Variants in STAB1 observed in about 807,000 individuals in gnomAD.
STAB1 encodes stabilin 1.
Under a neutral mutation model 332.4 loss-of-function variants are expected in STAB1, and 250 were observed. The ratio of observed to expected loss-of-function variants is 0.75; its 90% CI spans 0.68 to 0.84. The LOEUF (loss-of-function observed/expected upper bound fraction) is 0.84. STAB1 is among the 40% of genes least tolerant of loss of function. STAB1 has a pLI of 0.00. For missense variants in STAB1, 3,249 were observed against 3,489.7 expected, an observed-to-expected ratio of 0.93 and a Z score of 1.74; for synonymous variants, 1,475 against 1,390.4, an observed-to-expected ratio of 1.06 and a Z score of -1.35.
chr3:52,503,235 C>T, intron 7 of STAB1, 109 bp from the exon 8 acceptor site: 1 of 1,501,258 alleles, frequency 6.7e-7, no homozygotes, highest in East Asian at 2.5e-5. Context: ...GGGAGCCTAT[C>T]CTCAAGGCCT....
Position 52,524,019 on chromosome 3 carries a change from T to G in STAB1, c.7542+2T>G, listed in dbSNP as rs1575378268. 2 of 1,612,216 alleles carry G rather than the reference T, an allele frequency of 1.2e-6. No individual in the cohort carries two copies. Among genetic ancestry groups the G allele is most frequent in the Non-Finnish European group, 1.7e-6 (2 of 1,179,646 alleles). On this transcript the variant is annotated splice_donor_variant, in intron 67 of 68. Transcript: ENST00000321725. LOFTEE classifies it high-confidence loss of function. ...GGCTTTGGCTTCTCTGCCTTCCAGG[T>G]AGGGCTGGGTTGGGGCTGCCATGGC...
At position 52,518,546 on chromosome 3, in the gene STAB1, A is replaced by G. The variant is rs929716645; in HGVS notation, c.4820A>G (p.Glu1607Gly). Residue 1607 changes from glutamate to glycine, a missense_variant, in exon 47 of 69, where the codon GAG (glutamate) becomes GGG (glycine). Glu to Gly is a moderately conservative substitution (Grantham distance 98). Coordinates refer to ENST00000321725, the MANE Select transcript of STAB1 (RefSeq NM_015136.3). ...FFSLRLLEYK[E>G]LKGDGPFTIF... ...TGCTGCCTCCCGCAGGAATATAAGG[A>G]GCTCAAGGGCGATGGGCCTTTCACC... The G allele has an allele frequency of 1.3e-5, 21 of 1,590,294 alleles. No individual in the cohort carries two copies. Among genetic ancestry groups the G allele is most frequent in the Non-Finnish European group, 1.6e-5 (19 of 1,168,096 alleles).
rs371009220 is a variant in STAB1, at chr3:52,503,978, GT to G, written c.1023-49del. On this transcript the variant is annotated intron_variant, in intron 9 of 68. Transcript: ENST00000321725. Reference sequence around the variant, plus strand: ...TCTGCGGGAAGGCGTGGGGGGTGCGGTGGGGGGGGCCTCAGCCTCCGCCCTG... The same window carrying G: ...TCTGCGGGAAGGCGTGGGGGGTGCGGGGGGGGGGCCTCAGCCTCCGCCCTG... 6.1e-3 allele frequency: 9,762 copies of G among 1,608,924 alleles called. 30 individuals carry two copies. The highest frequency in any genetic ancestry group is 0.024 in the South Asian group (2,166 of 90,856).
At chr3:52,521,225 GA>G in intron 55 of STAB1, 135 bp from the exon 56 acceptor site, 1 of 1,320,388 alleles carries the variant, frequency 7.6e-7, no homozygotes, top group African/African-American at 1.4e-5. Context: ...TGTTCTCCAG[GA>G]CATGGGCCTG....
In STAB1 at chr3:52,512,970, A is replaced by G. The variant is rs1241587802; in HGVS notation, c.3158+12A>G. 6.2e-7 allele frequency: 1 copy of G among 1,604,038 alleles called. No homozygotes were observed. ...CCGAACCTGGTCAGGTGGGGCCGCC[A>G]TTGCCAGGCTGTGGGAGGGGCTTCC... is the stretch of plus-strand genomic sequence containing the variant. On this transcript the variant is annotated intron_variant, in intron 29 of 68. Coordinates refer to ENST00000321725, the MANE Select transcript of STAB1 (RefSeq NM_015136.3).
intron 10 of STAB1, 75 bp from the exon 11 acceptor site, chr3:52,504,386 T>C: frequency 1.3e-6 from 2 of 1,530,350 alleles, no homozygotes; most frequent in East Asian, 2.3e-5. Context: ...ACACCAGGTC[T>C]GATGCCCGAA....
rs1404352807 is a variant in STAB1 at position 52,517,596 on chromosome 3, C to T, written c.4610C>T (p.Thr1537Ile). 2 of 1,612,840 alleles carry T rather than the reference C, an allele frequency of 1.2e-6. No homozygotes were observed. The highest frequency in any genetic ancestry group is 1.7e-6 in the Non-Finnish European group (2 of 1,179,902). The change falls in exon 44 of 69, where the codon ACC (threonine) becomes ATC (isoleucine). Residue 1537 changes from threonine to isoleucine, a missense_variant. Coordinates refer to ENST00000321725, the MANE Select transcript of STAB1 (RefSeq NM_015136.3). ...GGTTACAGCGGGGATGGCATCCGGA[C>T]CTGCGAGCTCCTGGACCCCTGCTCT... ...REGYSGDGIR[T>I]CELLDPCSKN...
rs1485199147 is a variant in STAB1 at position 52,520,675 on chromosome 3, T to C, written c.5683T>C (p.Cys1895Arg). Residue 1895 changes from cysteine (C) to arginine (R), a missense_variant, in exon 54 of 69, where the codon TGT (cysteine) becomes CGT (arginine). Cys to Arg is a radical substitution (Grantham distance 180). Transcript: ENST00000321725. ...CAGCATCTGTGGGCTGGAGCCACCC[T>C]GTCCTGAGGGGTCACAGGAGCAGGT... Reference protein sequence around the residue: ...TCSICGLEPPCPEGSQEQGSP... With the variant: ...TCSICGLEPPRPEGSQEQGSP... The C allele has an allele frequency of 5.6e-6, 9 of 1,599,608 alleles. No homozygotes were observed. Among genetic ancestry groups the C allele is most frequent in the Non-Finnish European group, 5.1e-6 (6 of 1,174,390 alleles).
At position 52,520,992 on chromosome 3, in the gene STAB1, C is replaced by T; in HGVS notation, c.5895C>T (p.Gly1965=). 1 of 1,550,122 alleles carries T rather than the reference C, an allele frequency of 6.5e-7. No homozygotes were observed. The highest frequency in any genetic ancestry group is 1.9e-5 in the Admixed American group (1 of 51,736). ...CCAGCTGCTGCCCTGGTCACTATGGCAGTGAGTGCCAAGGTGAGCATTGCA... is the reference window on the plus strand; with the variant it reads ...CCAGCTGCTGCCCTGGTCACTATGGTAGTGAGTGCCAAGGTGAGCATTGCA... The part of the protein sequence containing the change: ...WKPSCCPGHY[G]SECQACPGGP... The change falls in exon 55 of 69, where the codon GGC becomes GGT. Residue 1965 remains glycine (G), a synonymous_variant. Transcript: ENST00000321725.
Position 52,523,742 on chromosome 3 carries a change from G to A in STAB1, c.7381G>A (p.Ala2461Thr). The A allele has an allele frequency of 6.3e-7, 1 of 1,598,994 alleles. No individual in the cohort carries two copies. Among genetic ancestry groups the A allele is most frequent in the South Asian group, 1.1e-5 (1 of 90,814 alleles). ...CCATGCTCTGGCCAGCCCCCTCCTG[G>A]CACCCCCACAGCCCGTGAGTTGAGG... The part of the protein sequence containing the change: ...IIHALASPLL[A>T]PPQPQAVLAP... The change falls in exon 66 of 69, where the codon GCA becomes ACA. Residue 2461 changes from alanine (A) to threonine (T), a missense_variant. Transcript: ENST00000321725.
At chr3:52,508,737 A>G (rs1228867817) in intron 21 of STAB1, among the ~76,000 whole-genome samples, 1 of 152,038 alleles carries the variant, frequency 6.6e-6, no homozygotes, top group African/African-American at 2.4e-5. Context: ...CAGGAAAATC[A>G]CTTGAACCTG....
At chr3:52,503,147 G>A (rs1232701772) in intron 7 of STAB1, 38 bp downstream of exon 7, 3 of 1,541,664 alleles carry the variant, frequency 1.9e-6, no homozygotes, top group Admixed American at 3.9e-5. Context: ...TTCAGCTCAG[G>A]GCGGGCGGGG....
At position 52,524,484 on chromosome 3, in the gene STAB1, C is replaced by T; in HGVS notation, c.*128C>T. 1 of 1,612,810 alleles carries T rather than the reference C, an allele frequency of 6.2e-7. No individual in the cohort carries two copies. The highest frequency in any genetic ancestry group is 8.5e-7 in the Non-Finnish European group (1 of 1,180,002). ...TAAAGGTGCCCTCAGCGGATGTGGG[C>T]CATGTCACCAAGGAAGGGGGTCTTC... On this transcript the variant is annotated 3_prime_UTR_variant, in exon 69 of 69. Coordinates refer to ENST00000321725, the MANE Select transcript of STAB1 (RefSeq NM_015136.3).
Position 52,508,292 on chromosome 3 carries a change from G to C in STAB1, c.2168G>C (p.Gly723Ala), listed in dbSNP as rs766780341. The C allele has an allele frequency of 6.2e-7, 1 of 1,613,464 alleles. No homozygotes were observed. Among genetic ancestry groups the C allele is most frequent in the Non-Finnish European group, 8.5e-7 (1 of 1,179,536 alleles). The change falls in exon 21 of 69, where the codon GGT (glycine) becomes GCT (alanine). Residue 723 changes from glycine to alanine, a missense_variant. By Grantham distance (60) the Gly-to-Ala change is moderately conservative. Transcript: ENST00000321725. ...TTATAGGAACAAGGCTGCTGCAAAG[G>C]TTTTTTCGGGCCTGACTGCACGCAG... ...QTIMEQGCCK[G>A]FFGPDCTQCP...
At position 52,524,016 on chromosome 3, in the gene STAB1, A is replaced by C. The variant is rs1237736226; in HGVS notation, c.7541A>C (p.Gln2514Pro). The change falls in exon 67 of 69, where the codon CAG becomes CCG. Residue 2514 changes from glutamine to proline, a missense_variant and splice_region_variant. Physicochemically the swap from Gln to Pro is moderately conservative, Grantham distance 76 (BLOSUM62 -1). Transcript: ENST00000321725. ...ATGGGCTTTGGCTTCTCTGCCTTCCAGGTAGGGCTGGGTTGGGGCTGCCAT... is the reference window on the plus strand; with the variant it reads ...ATGGGCTTTGGCTTCTCTGCCTTCCCGGTAGGGCTGGGTTGGGGCTGCCAT... Reference protein sequence around the residue: ...KPMGFGFSAFQAEDDADDDFS... With the variant: ...KPMGFGFSAFPAEDDADDDFS... 6.8e-6 allele frequency: 11 copies of C among 1,612,192 alleles called. No homozygotes were observed. The highest frequency in any genetic ancestry group is 8.5e-6 in the Non-Finnish European group (10 of 1,179,666).
chr3:52,517,264 C>CG (rs2078901498), intron 42 of STAB1, 56 bp from the exon 43 acceptor site: 1 of 1,507,574 alleles, frequency 6.6e-7, no homozygotes. Flanking sequence ...GTACAAAGGA[C>CG]AGAGGAAGGG....
Position 52,517,532 on chromosome 3 carries a change from G to A in STAB1, c.4564-18G>A, listed in dbSNP as rs760264781. On this transcript the variant is annotated intron_variant, in intron 43 of 68. Coordinates refer to ENST00000321725, the MANE Select transcript of STAB1 (RefSeq NM_015136.3). ...GCTGTTGGCTCCCAGCAGCCCCACTGATCAAGACTGGGGACAGGTCTCCTG... is the reference window on the plus strand; with the variant it reads ...GCTGTTGGCTCCCAGCAGCCCCACTAATCAAGACTGGGGACAGGTCTCCTG... 6.2e-7 allele frequency: 1 copy of A among 1,611,748 alleles called. No individual in the cohort carries two copies.
At chr3:52,508,829 CAATAATAAT>C (rs10532068) in intron 21 of STAB1, among the ~76,000 whole-genome samples, 1 of 150,082 alleles carries the variant, frequency 6.7e-6, no homozygotes, top group Non-Finnish European at 1.5e-5. Flanking sequence ...CCCAAAATAA[CAATAATAAT>C]AATAATAATA....
chr3:52,517,442 G>C (rs371762730), intron 43 of STAB1, 49 bp downstream of exon 43: 736 of 1,576,016 alleles, frequency 4.7e-4, no homozygotes, highest in Non-Finnish European at 5.9e-4. Context: ...GCCCTCACAG[G>C]ATGGGGCCTC....
Sources: gnomAD v4.1 joint callset for allele counts (sites outside exome capture counted in the v4.1 genomes callset) on GRCh38, gnomAD v4.1.1 for gene constraint, MANE v1.5 for transcripts, NCBI Gene and HGNC (gene_info 2026-07-23, HGNC 2026-07-21) for gene names.